Variants in PCDHGB6 observed in about 807,000 individuals in gnomAD.
The protein encoded by PCDHGB6 is protocadherin gamma-B6.
In PCDHGB6, 51 loss-of-function variants were observed where a neutral mutation model predicts 59.1. The ratio of observed to expected loss-of-function variants is 0.86; its 90% CI spans 0.69 to 1.09. The LOEUF (loss-of-function observed/expected upper bound fraction) is 1.09. Among genes scored for constraint, PCDHGB6 ranks in the 50% least tolerant of loss-of-function variants. The pLI, the probability that PCDHGB6 is intolerant of heterozygous loss-of-function variation, is 0.00. For synonymous variants in PCDHGB6, 466 were observed against 495.1 expected (o/e 0.94, Z 0.78); for missense variants, 1,148 against 1,205.1 (o/e 0.95, Z 0.70).
At chr5:141,422,639 C>A (rs777330051) in intron 1 of PCDHGB6, 1 of 1,612,780 alleles carries the variant, frequency 6.2e-7, no homozygotes, top group South Asian at 1.1e-5. Context: ...AGGGGTGCCT[C>A]CATCTTCTCA....
rs762238827 is a variant in PCDHGB6 at position 141,487,202 on chromosome 5, C to T, written c.2419-7605C>T. ...CACTCATCCAGTTGTCCCAGATCTT[C>T]GAGAATCTTCAGCTCCAAGGGAAGG... On this transcript the variant is annotated intron_variant, in intron 1 of 3. Coordinates refer to ENST00000520790, the MANE Select transcript of PCDHGB6 (RefSeq NM_018926.3). This position sits in a 1 kb window ranked among gnomAD's most constrained non-coding sequence, Gnocchi z 5.0. 7 of 1,613,660 alleles carry T rather than the reference C, an allele frequency of 4.3e-6. No homozygotes were observed. The highest frequency in any genetic ancestry group is 1.7e-5 in the Admixed American group (1 of 59,992).
At chr5:141,425,860 A>G (rs1445251215) in intron 1 of PCDHGB6, among the ~76,000 whole-genome samples, 1 of 152,248 alleles carries the variant, frequency 6.6e-6, no homozygotes, top group Non-Finnish European at 1.5e-5. Context: ...TGACTGTTCT[A>G]TAGATTCCCA....
intron 1 of PCDHGB6, among the ~76,000 whole-genome samples, chr5:141,473,057 A>G (rs2099313037): frequency 2.6e-5 from 4 of 152,056 alleles, no homozygotes; most frequent in Non-Finnish European, 5.9e-5. Flanking sequence ...AAGTGATACA[A>G]CAAGTTACAG....
At chr5:141,437,381 C>T (rs2097879875) in intron 1 of PCDHGB6, among the ~76,000 whole-genome samples, 1 of 152,222 alleles carries the variant, frequency 6.6e-6, no homozygotes, top group Non-Finnish European at 1.5e-5. Flanking sequence ...AGTCAGAAGA[C>T]ATTCATCCAC....
At position 141,463,796 on chromosome 5, in the gene PCDHGB6, G is replaced by A. The variant is rs139760353; in HGVS notation, c.2419-31011G>A. ...ATCCTGCACTGTCTTTTGAACAAAT[G>A]TCTAAAAGCTTTTATCACACATTTT... On this transcript the variant is annotated intron_variant, in intron 1 of 3. Coordinates refer to ENST00000520790, the MANE Select transcript of PCDHGB6 (RefSeq NM_018926.3). Among the ~76,000 whole-genome samples, 155 of 152,232 alleles carry A rather than the reference G, an allele frequency of 1.0e-3. 1 individual carries two copies. The highest frequency in any genetic ancestry group is 3.4e-3 in the African/African-American group (140 of 41,538).
At chr5:141,434,883 C>T (rs1490696834) in intron 1 of PCDHGB6, among the ~76,000 whole-genome samples, 1 of 151,644 alleles carries the variant, frequency 6.6e-6, no homozygotes, top group Non-Finnish European at 1.5e-5. Context: ...ATACCAACAA[C>T]AATCCAGTCC....
chr5:141,430,485 G>T (rs926788879), intron 1 of PCDHGB6: 2 of 252,972 alleles, frequency 7.9e-6, no homozygotes, highest in Non-Finnish European at 7.4e-6. Flanking sequence ...ATATAAAAAC[G>T]AAATATCCTT....
At chr5:141,463,844 G>T (rs545618795) in intron 1 of PCDHGB6, among the ~76,000 whole-genome samples, 1 of 152,140 alleles carries the variant, frequency 6.6e-6, no homozygotes, top group African/African-American at 2.4e-5. Context: ...AGTTGTTATA[G>T]TGGTATATCT....
chr5:141,482,890 G>C (rs577635020), intron 1 of PCDHGB6, among the ~76,000 whole-genome samples: 10 of 152,274 alleles, frequency 6.6e-5, no homozygotes, highest in African/African-American at 2.4e-4. Flanking sequence ...TGGCCAACAT[G>C]GTGAAACCTC....
intron 1 of PCDHGB6, among the ~76,000 whole-genome samples, chr5:141,479,914 G>T (rs2099509746): frequency 6.6e-6 from 1 of 152,148 alleles, no homozygotes; most frequent in South Asian, 2.1e-4. Context: ...CTGTTATTTT[G>T]TTACTCAGTG....
chr5:141,415,740 GTTTTTTTTTTTT>G lies in PCDHGB6; in HGVS notation c.2418+5141_2418+5152del, dbSNP rs57426385. ...TGAGTAGAATTTGATGTTTATTAAGGTTTTTTTTTTTTTTTTTTTTTTTTTTTTTTTTACTTT... is the reference window on the plus strand; with the variant it reads ...TGAGTAGAATTTGATGTTTATTAAGGTTTTTTTTTTTTTTTTTTTTACTTT... On this transcript the variant is annotated intron_variant, in intron 1 of 3. Transcript: ENST00000520790. The G allele has an allele frequency of 5.3e-4, 329 of 624,896 alleles. 2 individuals are homozygous for G. Among genetic ancestry groups the G allele is most frequent in the African/African-American group, 1.2e-3 (49 of 39,888 alleles). The allele number at this position is 624,896 out of a possible 1,614,324, so 38.7% of individuals were successfully genotyped here.
At chr5:141,497,468 G>A (rs912445126) in intron 2 of PCDHGB6, among the ~76,000 whole-genome samples, 10 of 151,996 alleles carry the variant, frequency 6.6e-5, no homozygotes, top group African/African-American at 2.4e-4. Flanking sequence ...GAGATATGGA[G>A]GAGAAGGTGC....
intron 1 of PCDHGB6, among the ~76,000 whole-genome samples, chr5:141,470,845 G>T (rs1381257094): frequency 1.3e-5 from 2 of 151,972 alleles, no homozygotes; most frequent in African/African-American, 4.8e-5. Flanking sequence ...ACGCCACCAT[G>T]CTCAGATAAG....
rs780836649 is a variant in PCDHGB6 at position 141,414,681 on chromosome 5, G to C, written c.2418+4061G>C. 38 of 1,613,836 alleles carry C rather than the reference G, an allele frequency of 2.4e-5. 1 individual carries two copies. The East Asian group carries it at 8.5e-4, about 36-fold the overall frequency. ...CCCTGGCTGAAGACACCATCCAGGG[G>C]GTACCTCTGTCCTCATACATATCCA... On this transcript the variant is annotated intron_variant, in intron 1 of 3. Coordinates refer to ENST00000520790, the MANE Select transcript of PCDHGB6 (RefSeq NM_018926.3).
At chr5:141,421,147 G>A in intron 1 of PCDHGB6, 1 of 1,019,036 alleles carries the variant, frequency 9.8e-7, no homozygotes, top group South Asian at 1.7e-5. Context: ...GGATGTAGTC[G>A]GCCTAGGACT....
At chr5:141,498,793 T>C (rs2154592354) in intron 2 of PCDHGB6, among the ~76,000 whole-genome samples, 1 of 152,028 alleles carries the variant, frequency 6.6e-6, no homozygotes, top group Non-Finnish European at 1.5e-5. Context: ...ATTAGCCAGG[T>C]GTGGTGGTGC....
chr5:141,434,768 T>C (rs6580188), intron 1 of PCDHGB6, among the ~76,000 whole-genome samples: 81,499 of 151,296 alleles, frequency 0.54, 23,977 homozygotes, highest in African/African-American at 0.79. Context: ...CACTTCACAC[T>C]TCTAAAAAAA....
At position 141,408,734 on chromosome 5, in the gene PCDHGB6, T is replaced by C. The variant is rs376769558; in HGVS notation, c.532T>C (p.Phe178Leu). 1.5e-4 allele frequency: 244 copies of C among 1,610,058 alleles called. No homozygotes were observed. The highest frequency in any genetic ancestry group is 1.9e-4 in the Non-Finnish European group (226 of 1,177,812). The change falls in exon 1 of 4, where the codon TTT becomes CTT. Residue 178 changes from phenylalanine (F) to leucine (L), a missense_variant. Transcript: ENST00000520790. The part of the protein sequence containing the change: ...KDYKINSNPY[F>L]SLMVRVNSDG... ...TTATAAGATAAACTCTAATCCTTAT[T>C]TTTCATTAATGGTTAGAGTTAATTC...
At position 141,489,108 on chromosome 5, in the gene PCDHGB6, A is replaced by C; in HGVS notation, c.2419-5699A>C. The C allele has an allele frequency of 2.0e-6, 1 of 489,086 alleles. No individual in the cohort carries two copies. The highest frequency in any genetic ancestry group is 3.5e-6 in the Non-Finnish European group (1 of 287,626). 30.3% of individuals were successfully genotyped at this position (489,086 alleles called of 1,614,324 possible). On this transcript the variant is annotated intron_variant, in intron 1 of 3. Transcript: ENST00000520790. This position sits in a 1 kb window ranked among gnomAD's most constrained non-coding sequence, Gnocchi z 4.5. The stretch of plus-strand genomic sequence containing the variant: ...TCGGTGACTAAGAACTGCTGCAAGC[A>C]GGCAAACCTCCGAGCAGTTTTTAAG...
Sources: gnomAD v4.1 joint callset for allele counts (sites outside exome capture counted in the v4.1 genomes callset) on GRCh38, gnomAD v4.1.1 for gene constraint, Gnocchi (gnomAD v3.1) non-coding constraint, MANE v1.5 for transcripts, NCBI Gene and HGNC (gene_info 2026-07-23, HGNC 2026-07-21) for gene names.